PTPRD: variants seen among roughly 807,000 people sequenced by gnomAD.
The protein encoded by PTPRD is receptor-type tyrosine-protein phosphatase delta.
Under a neutral mutation model 214.5 loss-of-function variants are expected in PTPRD, and 34 were observed. That is an observed-to-expected ratio of 0.16 (90% CI 0.12 to 0.21). The LOEUF (loss-of-function observed/expected upper bound fraction) is 0.21, where lower values mean the gene tolerates loss of function less well. Ranked by LOEUF, PTPRD falls within the 10% of genes least tolerant of loss-of-function variation. The pLI, the probability that PTPRD is intolerant of heterozygous loss-of-function variation, is 1.00. For synonymous variants in PTPRD, 1,128 were observed against 845.7 expected, an observed-to-expected ratio of 1.33 and a Z score of -5.79; for missense variants, 2,545 against 2,398.7, an observed-to-expected ratio of 1.06 and a Z score of -1.27.
intron 2 of PTPRD, among the ~76,000 whole-genome samples, chr9:10,396,274 T>C (rs1213817234): frequency 6.6e-6 from 1 of 151,984 alleles, no homozygotes; most frequent in Non-Finnish European, 1.5e-5. Context: ...TTTATTTTAC[T>C]TTCCCTGAAA....
At chr9:9,637,510 C>T (rs1428177487) in intron 7 of PTPRD, among the ~76,000 whole-genome samples, 1 of 152,194 alleles carries the variant, frequency 6.6e-6, no homozygotes, top group Non-Finnish European at 1.5e-5. Flanking sequence ...CAAACTTGAA[C>T]TTAATCTTCC....
At chr9:8,332,792 C>G (rs544864256) in intron 43 of PTPRD, among the ~76,000 whole-genome samples, 2 of 152,262 alleles carry the variant, frequency 1.3e-5, no homozygotes, top group South Asian at 4.1e-4. Context: ...AGAAATAATC[C>G]AAGCTTAGAG....
At chr9:10,559,965 C>T (rs59423946) in intron 2 of PTPRD, among the ~76,000 whole-genome samples, 34,803 of 151,914 alleles carry the variant, frequency 0.23, 4,233 homozygotes, top group Middle Eastern at 0.28. Context: ...TTGGTGGGAC[C>T]GTAAACTAGT....
intron 7 of PTPRD, among the ~76,000 whole-genome samples, chr9:9,579,043 T>C (rs912633755): frequency 6.6e-6 from 1 of 152,160 alleles, no homozygotes; most frequent in African/African-American, 2.4e-5. Context: ...CCAAGGAGTC[T>C]TGCTTCAGAG....
At chr9:8,974,879 CT>C (rs1263211023) in intron 11 of PTPRD, among the ~76,000 whole-genome samples, 1 of 151,650 alleles carries the variant, frequency 6.6e-6, no homozygotes, top group Non-Finnish European at 1.5e-5. Flanking sequence ...GGTGGATCAC[CT>C]GAAGTCAGGA....
chr9:9,762,198 T>G (rs2098663995), intron 6 of PTPRD, among the ~76,000 whole-genome samples: 1 of 152,166 alleles, frequency 6.6e-6, no homozygotes, highest in Non-Finnish European at 1.5e-5. Context: ...CTTGGAAGAA[T>G]AGTGAATGTT....
chr9:9,891,596 T>A (rs2073354168), intron 5 of PTPRD, among the ~76,000 whole-genome samples: 2 of 152,238 alleles, frequency 1.3e-5, no homozygotes, highest in South Asian at 4.1e-4. Context: ...CTGATACAGG[T>A]CTATTCCACT....
intron 5 of PTPRD, among the ~76,000 whole-genome samples, chr9:9,825,999 G>C (rs765839224): frequency 2.0e-5 from 3 of 151,422 alleles, no homozygotes; most frequent in Admixed American, 1.3e-4. Context: ...TCAATACATA[G>C]CTTCCAATAT....
chr9:8,423,643 G>A (rs2094494661), intron 35 of PTPRD, among the ~76,000 whole-genome samples: 1 of 152,108 alleles, frequency 6.6e-6, no homozygotes, highest in African/African-American at 2.4e-5. Context: ...GTGATATGTA[G>A]TGAGAAGGGC....
Position 8,525,869 on chromosome 9 carries a change from C to T in PTPRD, c.568+758G>A, listed in dbSNP as rs529208879. 5.6e-4 allele frequency among the ~76,000 whole-genome samples: 85 copies of T among 151,896 alleles called. 1 individual carries two copies. The highest frequency in any genetic ancestry group is 1.9e-3 in the African/African-American group (78 of 41,462). On this transcript the variant is annotated intron_variant, in intron 17 of 45. Coordinates refer to ENST00000381196, the MANE Select transcript of PTPRD (RefSeq NM_002839.4). Reference sequence around the variant, plus strand: ...ATTACAAAAGAAATGCACACTGAGTCGAAGTATGAAAAACCAGCAATACCA... The same window carrying T: ...ATTACAAAAGAAATGCACACTGAGTTGAAGTATGAAAAACCAGCAATACCA...
At chr9:9,227,782 A>G (rs1396082315) in intron 9 of PTPRD, among the ~76,000 whole-genome samples, 1 of 152,082 alleles carries the variant, frequency 6.6e-6, no homozygotes, top group Non-Finnish European at 1.5e-5. Flanking sequence ...TAGCCATGTG[A>G]ATGAGCCATC....
intron 11 of PTPRD, among the ~76,000 whole-genome samples, chr9:8,959,752 G>C (rs986205059): frequency 6.6e-6 from 1 of 152,052 alleles, no homozygotes; most frequent in Non-Finnish European, 1.5e-5. Context: ...CACTAAGCCA[G>C]ATGGATAAAG....
intron 11 of PTPRD, among the ~76,000 whole-genome samples, chr9:8,783,820 T>C (rs1227791547): frequency 1.3e-5 from 2 of 152,126 alleles, no homozygotes; most frequent in Admixed American, 6.6e-5. Context: ...GGAGGGCAGG[T>C]AAAGAAGACA....
At chr9:8,828,542 A>G (rs897125830) in intron 11 of PTPRD, among the ~76,000 whole-genome samples, 6 of 152,140 alleles carry the variant, frequency 3.9e-5, no homozygotes, top group Non-Finnish European at 7.3e-5. Context: ...TATCTAGGAT[A>G]TTTTGTTGCA....
intron 20 of PTPRD, among the ~76,000 whole-genome samples, chr9:8,518,784 G>A (rs10815898): frequency 0.12 from 17,561 of 152,120 alleles, 1,120 homozygotes; most frequent in East Asian, 0.26. Flanking sequence ...ACAGCTGTAT[G>A]TAACTGTATT....
At chr9:9,460,380 A>G (rs1211313218) in intron 8 of PTPRD, among the ~76,000 whole-genome samples, 1 of 152,080 alleles carries the variant, frequency 6.6e-6, no homozygotes, top group East Asian at 1.9e-4. Flanking sequence ...GAAACAATCA[A>G]CAGAGTAAAT....
intron 10 of PTPRD, among the ~76,000 whole-genome samples, chr9:9,063,727 G>C (rs2099714081): frequency 6.6e-6 from 1 of 152,152 alleles, no homozygotes; most frequent in Non-Finnish European, 1.5e-5. Context: ...TTAAAAGAAA[G>C]ATGTTTAATG....
intron 10 of PTPRD, among the ~76,000 whole-genome samples, chr9:9,032,921 G>A (rs1195005172): frequency 6.6e-6 from 1 of 151,964 alleles, no homozygotes; most frequent in Non-Finnish European, 1.5e-5. Flanking sequence ...TTCCCCATGT[G>A]CACTAGGGAA....
intron 6 of PTPRD, among the ~76,000 whole-genome samples, chr9:9,753,976 C>T (rs1390137028): frequency 6.6e-6 from 1 of 151,992 alleles, no homozygotes; most frequent in African/African-American, 2.4e-5. Context: ...ACTTAGATCC[C>T]CTAGATCCAA....
Sources: allele counts gnomAD v4.1 joint callset (sites outside exome capture counted in the v4.1 genomes callset), GRCh38; gene constraint gnomAD v4.1.1; transcripts MANE v1.5; gene names NCBI Gene and HGNC (gene_info 2026-07-23, HGNC 2026-07-21).